Variants in RAD51B observed in about 807,000 individuals in gnomAD.
RAD51B encodes DNA repair protein RAD51 homolog 2.
RAD51B carries 38 observed loss-of-function variants against 42.2 expected under a neutral mutation model. That is an observed-to-expected ratio of 0.90 (90% CI 0.70 to 1.18). The LOEUF (loss-of-function observed/expected upper bound fraction) is 1.18, where lower values mean the gene tolerates loss of function less well. Ranked by LOEUF, RAD51B falls within the 50% of genes most tolerant of loss-of-function variation. RAD51B has a pLI of 0.00. For synonymous variants in RAD51B, 154 were observed against 145.2 expected (o/e 1.06, Z -0.43); for missense variants, 373 against 400.7 (o/e 0.93, Z 0.59).
At chr14:68,316,382 C>T (rs1044575487) in intron 8 of RAD51B, among the ~76,000 whole-genome samples, 2 of 152,210 alleles carry the variant, frequency 1.3e-5, no homozygotes, top group African/African-American at 2.4e-5. Context: ...TGGGGAGCCA[C>T]TAGTGAAAAT....
At chr14:67,871,438 G>A (rs2042528329) in intron 5 of RAD51B, among the ~76,000 whole-genome samples, 3 of 152,160 alleles carry the variant, frequency 2.0e-5, no homozygotes, top group African/African-American at 7.2e-5. Context: ...AATTGTGGCA[G>A]TAATCAATAG....
chr14:68,618,581 T>G (rs894847675), intron 10 of RAD51B, among the ~76,000 whole-genome samples: 1 of 152,172 alleles, frequency 6.6e-6, no homozygotes, highest in African/African-American at 2.4e-5. Context: ...TGATAAATAA[T>G]CCCTTCATTA....
intron 8 of RAD51B, among the ~76,000 whole-genome samples, chr14:68,356,982 CAAAAA>C (rs34774624): frequency 2.2e-5 from 2 of 92,312 alleles, no homozygotes; most frequent in Non-Finnish European, 4.1e-5. Context: ...GACTCCGTCT[CAAAAA>C]AAAAAAAAAA....
At chr14:68,019,656 T>C (rs2075832083) in intron 7 of RAD51B, among the ~76,000 whole-genome samples, 1 of 152,150 alleles carries the variant, frequency 6.6e-6, no homozygotes, top group South Asian at 2.1e-4. Flanking sequence ...TGGATTTTGG[T>C]ATATGTGGTG....
intron 10 of RAD51B, among the ~76,000 whole-genome samples, chr14:68,514,869 C>T (rs572057078): frequency 8.3e-4 from 127 of 152,158 alleles, no homozygotes; most frequent in African/African-American, 2.7e-3. Context: ...CTTTCATTTC[C>T]GATAAGAAAT....
intron 10 of RAD51B, among the ~76,000 whole-genome samples, chr14:68,526,145 G>A (rs1238873574): frequency 6.6e-6 from 1 of 152,212 alleles, no homozygotes; most frequent in African/African-American, 2.4e-5. Flanking sequence ...GTCATGTTCA[G>A]TGCTATAAAA....
At position 68,118,340 on chromosome 14, in the gene RAD51B, G is replaced by T. The variant is rs776277243; in HGVS notation, c.757-173544G>T. Among the ~76,000 whole-genome samples the T allele has an allele frequency of 3.0e-4, 46 of 152,008 alleles. 1 individual carries two copies. Among genetic ancestry groups the T allele is most frequent in the Admixed American group, 7.2e-4 (11 of 15,266 alleles). On this transcript the variant is annotated intron_variant, in intron 7 of 10. Transcript: ENST00000471583. ...CACTAATATCCTTTTTCTGCTTCAG[G>T]ATCTAATCCAGCATCCCACATTGCA...
At chr14:68,611,693 G>T, downstream of RAD51B, 1 of 246,868 alleles carries the variant, frequency 4.1e-6, no homozygotes, top group Non-Finnish European at 7.9e-6. Flanking sequence ...ATGGGAATTT[G>T]GAAAAAGCTA....
Position 68,374,679 on chromosome 14 carries a change from G to T in RAD51B, c.854-36745G>T, listed in dbSNP as rs73276209. Among the ~76,000 whole-genome samples, 1,108 of 150,590 alleles carry T rather than the reference G, an allele frequency of 7.4e-3. 13 individuals are homozygous for T. The highest frequency in any genetic ancestry group is 0.026 in the African/African-American group (1,072 of 40,850). ...AGATGGCAATTTATCTTAAATACACGCCTCATTATAGATGTGTCACACTTA... is the reference window on the plus strand; with the variant it reads ...AGATGGCAATTTATCTTAAATACACTCCTCATTATAGATGTGTCACACTTA... On this transcript the variant is annotated intron_variant, in intron 8 of 10. Transcript: ENST00000471583.
intron 7 of RAD51B, among the ~76,000 whole-genome samples, chr14:68,218,743 T>C (rs1296527): frequency 0.16 from 23,942 of 152,196 alleles, 2,007 homozygotes; most frequent in Middle Eastern, 0.35. Flanking sequence ...GCAACTAAAA[T>C]AGTTTACAAT....
chr14:67,926,062 G>A (rs538037341), intron 7 of RAD51B, among the ~76,000 whole-genome samples: 16 of 152,292 alleles, frequency 1.1e-4, no homozygotes, highest in Non-Finnish European at 2.9e-5. Context: ...CCTCTGACAT[G>A]CCTTAGAGAC....
chr14:68,309,657 A>T (rs193233076), intron 8 of RAD51B, among the ~76,000 whole-genome samples: 195 of 152,348 alleles, frequency 1.3e-3, no homozygotes, highest in Admixed American at 3.2e-3. Flanking sequence ...TAATATTTTA[A>T]TAATAACAAT....
chr14:68,360,168 G>A (rs1255972584), intron 8 of RAD51B, among the ~76,000 whole-genome samples: 1 of 152,110 alleles, frequency 6.6e-6, no homozygotes, highest in Non-Finnish European at 1.5e-5. Context: ...GCCTTCTCTT[G>A]TTCCTCTTCA....
chr14:67,900,111 GT>G (rs1468186106), intron 7 of RAD51B, among the ~76,000 whole-genome samples: 1 of 152,194 alleles, frequency 6.6e-6, no homozygotes, highest in African/African-American at 2.4e-5. Context: ...TGTAACCACA[GT>G]GTTGCTTCTG....
chr14:68,393,564 C>T (rs1276133158), intron 8 of RAD51B, among the ~76,000 whole-genome samples: 2 of 152,192 alleles, frequency 1.3e-5, no homozygotes, highest in Admixed American at 6.5e-5. Flanking sequence ...AAATCTAAAG[C>T]GCCTGGGGAG....
chr14:68,337,502 C>A lies in RAD51B; in HGVS notation c.853+45522C>A, dbSNP rs568679039. 4.6e-5 allele frequency among the ~76,000 whole-genome samples: 7 copies of A among 152,242 alleles called. No individual in the cohort carries two copies. The East Asian group carries it at 1.3e-3, about 29-fold the overall frequency. Reference sequence around the variant, plus strand: ...TCTTGCATCCTGTGGTTCTTTCTTCCCTATTGGCATGGTTATTTTGATCTG... The same window carrying A: ...TCTTGCATCCTGTGGTTCTTTCTTCACTATTGGCATGGTTATTTTGATCTG... On this transcript the variant is annotated intron_variant, in intron 8 of 10. Transcript: ENST00000471583.
chr14:68,351,642 G>C (rs1312680022), intron 8 of RAD51B, among the ~76,000 whole-genome samples: 1 of 152,194 alleles, frequency 6.6e-6, no homozygotes, highest in Non-Finnish European at 1.5e-5. Context: ...CCTGAAGAGA[G>C]AGGAGGCATT....
intron 7 of RAD51B, among the ~76,000 whole-genome samples, chr14:68,004,892 A>G (rs1480620472): frequency 6.6e-6 from 1 of 150,580 alleles, no homozygotes; most frequent in Admixed American, 6.6e-5. Context: ...GGCCTTTTTC[A>G]CTCTGTAGTG....
intron 10 of RAD51B, among the ~76,000 whole-genome samples, chr14:68,545,982 T>C (rs753915238): frequency 6.6e-6 from 1 of 152,214 alleles, no homozygotes; most frequent in Non-Finnish European, 1.5e-5. Context: ...ATTTTATTCA[T>C]GTATCTGTTT....
Sources: allele counts gnomAD v4.1 joint callset (sites outside exome capture counted in the v4.1 genomes callset), GRCh38; gene constraint gnomAD v4.1.1; transcripts MANE v1.5; gene names NCBI Gene and HGNC (gene_info 2026-07-23, HGNC 2026-07-21).